LHFPL2: variants seen among roughly 807,000 people sequenced by gnomAD.
The protein encoded by LHFPL2 is LHFPL tetraspan subfamily member 2, also known as LHFPL tetraspan subfamily member 2 protein.
A neutral mutation model predicts 17.5 loss-of-function variants in LHFPL2; 7 were observed. The observed-to-expected ratio is 0.40, with a 90% CI of 0.23 to 0.75. LHFPL2 has a LOEUF of 0.75. LHFPL2 is among the 30% of genes least tolerant of loss of function. LHFPL2 has a pLI of 0.37. For synonymous variants in LHFPL2, 134 were observed against 116.2 expected (o/e 1.15, Z -0.99); for missense variants, 241 against 294.8 (o/e 0.82, Z 1.34).
intron 3 of LHFPL2, among the ~76,000 whole-genome samples, chr5:78,541,036 T>C (rs1010268554): frequency 1.3e-5 from 2 of 152,172 alleles, no homozygotes; most frequent in African/African-American, 4.8e-5. Context: ...GAAAATGGCA[T>C]TAATATGAGC....
intron 2 of LHFPL2, among the ~76,000 whole-genome samples, chr5:78,586,267 T>A (rs13356928): frequency 0.4 from 61,238 of 152,064 alleles, 12,609 homozygotes; most frequent in Middle Eastern, 0.47. Flanking sequence ...CTCACCAGGC[T>A]GCTGTGAGGA....
In LHFPL2 at chr5:78,646,652, T is replaced by C. The variant is rs148740506; in HGVS notation, c.-350+1847A>G. Among the ~76,000 whole-genome samples, 45 of 152,362 alleles carry C rather than the reference T, an allele frequency of 3.0e-4. 1 individual carries two copies. The highest frequency in any genetic ancestry group is 1.1e-3 in the African/African-American group (44 of 41,572). Reference sequence around the variant, plus strand: ...GTTGAGAAGCTGTATATAGTGTTCATTAAAAATAAATATGTAGTTTTTTAT... The same window carrying C: ...GTTGAGAAGCTGTATATAGTGTTCACTAAAAATAAATATGTAGTTTTTTAT... On this transcript the variant is annotated intron_variant, in intron 1 of 4. Transcript: ENST00000380345.
In LHFPL2 at chr5:78,488,784, G is replaced by A. The variant is rs1188337631; in HGVS notation, c.*113C>T. On this transcript the variant is annotated 3_prime_UTR_variant, in exon 5 of 5. Transcript: ENST00000380345. Reference sequence around the variant, plus strand: ...ATTGGTCCTGTTTAAGCCTCGGGCCGTGGAACGTGGCTTTGGTAGGTAAAG... The same window carrying A: ...ATTGGTCCTGTTTAAGCCTCGGGCCATGGAACGTGGCTTTGGTAGGTAAAG... 3.3e-5 allele frequency: 42 copies of A among 1,257,132 alleles called. No homozygotes were observed. Among genetic ancestry groups the A allele is most frequent in the African/African-American group, 6.0e-5 (4 of 67,074 alleles). 77.9% of individuals were successfully genotyped at this position (1,257,132 alleles called of 1,614,324 possible). A position where few individuals can be genotyped will look rare whatever the true frequency, so the allele number is the denominator to read the frequency against.
At position 78,520,170 on chromosome 5, in the gene LHFPL2, A is replaced by G. The variant is rs1392669984; in HGVS notation, c.-185-9772T>C. On this transcript the variant is annotated intron_variant, in intron 3 of 4. Transcript: ENST00000380345. ...TACTATTACCATCATATAGGTCAAC[A>G]TTTATGTTTCTGCCGCTTATCTCCC... 2.0e-5 allele frequency among the ~76,000 whole-genome samples: 3 copies of G among 152,232 alleles called. No individual in the cohort carries two copies. In the East Asian group the frequency reaches 5.8e-4, roughly 29 times the overall value.
At chr5:78,604,972 GCA>G (rs1744160575) in intron 2 of LHFPL2, among the ~76,000 whole-genome samples, 2 of 152,218 alleles carry the variant, frequency 1.3e-5, no homozygotes, top group African/African-American at 2.4e-5. Context: ...CAATGTATTT[GCA>G]CAGTTTCACA....
chr5:78,591,676 A>G (rs920184069), intron 2 of LHFPL2, among the ~76,000 whole-genome samples: 36 of 152,176 alleles, frequency 2.4e-4, no homozygotes, highest in African/African-American at 7.2e-4. Context: ...TCTTTCTGAC[A>G]ATTATTAAAT....
At position 78,503,659 on chromosome 5, in the gene LHFPL2, T is replaced by C. The variant is rs139306904; in HGVS notation, c.430+6125A>G. Among the ~76,000 whole-genome samples, 47 of 152,154 alleles carry C rather than the reference T, an allele frequency of 3.1e-4. 1 individual carries two copies. The highest frequency in any genetic ancestry group is 1.1e-3 in the African/African-American group (45 of 41,514). ...GTTGCAGTGAGCCAAAATCGAGCCA[T>C]TGCACTCCAGCCTGGGCAATAAGAG... On this transcript the variant is annotated intron_variant, in intron 4 of 4. Transcript: ENST00000380345.
intron 1 of LHFPL2, among the ~76,000 whole-genome samples, chr5:78,643,854 A>C (rs569718726): frequency 3.3e-5 from 5 of 152,284 alleles, no homozygotes; most frequent in African/African-American, 9.6e-5. Context: ...TGAGGTCAGG[A>C]GTTCGAGACC....
intron 3 of LHFPL2, among the ~76,000 whole-genome samples, chr5:78,563,373 T>G (rs1756779235): frequency 6.6e-6 from 1 of 152,136 alleles, no homozygotes; most frequent in African/African-American, 2.4e-5. Flanking sequence ...TTCTCCCACC[T>G]CCACTAAATA....
chr5:78,560,941 A>G (rs1377771860), intron 3 of LHFPL2, among the ~76,000 whole-genome samples: 2 of 152,222 alleles, frequency 1.3e-5, no homozygotes, highest in East Asian at 3.8e-4. Context: ...ATTAATTAAA[A>G]TTTTTAGTAG....
chr5:78,523,127 T>C (rs539513872), intron 3 of LHFPL2, among the ~76,000 whole-genome samples: 2 of 152,078 alleles, frequency 1.3e-5, no homozygotes, highest in South Asian at 4.2e-4. Flanking sequence ...TGTGTGTGTG[T>C]GTGTGTGTGT....
chr5:78,536,965 C>T (rs74831906), intron 3 of LHFPL2, among the ~76,000 whole-genome samples: 2,536 of 152,286 alleles, frequency 0.017, 77 homozygotes, highest in African/African-American at 0.058. Context: ...ATCACAGAAG[C>T]GCTCCAGCCC....
chr5:78,623,466 GAGAA>G (rs1367283326), intron 2 of LHFPL2, among the ~76,000 whole-genome samples: 3 of 152,144 alleles, frequency 2.0e-5, no homozygotes, highest in Non-Finnish European at 4.4e-5. Flanking sequence ...GCTTTAAAAA[GAGAA>G]AGAAAGAGAG....
At chr5:78,601,225 AC>A (rs1743999974) in intron 2 of LHFPL2, among the ~76,000 whole-genome samples, 1 of 152,170 alleles carries the variant, frequency 6.6e-6, no homozygotes. Flanking sequence ...AAATATTTGG[AC>A]CCTTGACTTC....
At chr5:78,523,933 G>A (rs926426023) in intron 3 of LHFPL2, among the ~76,000 whole-genome samples, 3 of 148,406 alleles carry the variant, frequency 2.0e-5, no homozygotes, top group African/African-American at 7.5e-5. Flanking sequence ...ATGCTGTGGA[G>A]GGGCTGGGCA....
chr5:78,580,620 T>A (rs1743089497), intron 2 of LHFPL2, among the ~76,000 whole-genome samples: 1 of 60,630 alleles, frequency 1.6e-5, no homozygotes, highest in African/African-American at 4.2e-5. Flanking sequence ...CCCCATTGCT[T>A]GTTTTTCTCA....
At chr5:78,608,555 C>G (rs896711151) in intron 2 of LHFPL2, among the ~76,000 whole-genome samples, 2 of 150,678 alleles carry the variant, frequency 1.3e-5, no homozygotes, top group African/African-American at 4.9e-5. Context: ...CATCATTAAA[C>G]TTCTCCCTAA....
intron 4 of LHFPL2, chr5:78,494,338 T>C: frequency 1.0e-6 from 1 of 984,418 alleles, no homozygotes; most frequent in Non-Finnish European, 1.2e-6. Context: ...AAAGAAGCCA[T>C]AGGTCACCTG....
chr5:78,612,285 T>C (rs1744447225), intron 2 of LHFPL2, among the ~76,000 whole-genome samples: 1 of 152,234 alleles, frequency 6.6e-6, no homozygotes, highest in Admixed American at 6.5e-5. Context: ...GATCTTTGCA[T>C]AAATTTCCCT....
Sources: gnomAD v4.1 joint callset for allele counts (sites outside exome capture counted in the v4.1 genomes callset) on GRCh38, gnomAD v4.1.1 for gene constraint, MANE v1.5 for transcripts, NCBI Gene and HGNC (gene_info 2026-07-23, HGNC 2026-07-21) for gene names.